The following NRG3 variants were observed in gnomAD, a reference collection of about 807,000 sequenced individuals.
NRG3 encodes the protein pro-neuregulin-3, membrane-bound isoform.
In NRG3, 31 loss-of-function variants were observed where a neutral mutation model predicts 66.9. That is an observed-to-expected ratio of 0.46 (90% CI 0.35 to 0.63). The LOEUF (loss-of-function observed/expected upper bound fraction) is 0.63. Among genes scored for constraint, NRG3 ranks in the 20% least tolerant of loss-of-function variants. NRG3 has a pLI of 0.00. For synonymous variants in NRG3, 393 were observed against 359.4 expected, an observed-to-expected ratio of 1.09 and a Z score of -1.06; for missense variants, 910 against 878.9, an observed-to-expected ratio of 1.04 and a Z score of -0.45.
intron 1 of NRG3, among the ~76,000 whole-genome samples, chr10:82,043,491 A>G (rs998197771): frequency 6.6e-6 from 1 of 152,078 alleles, no homozygotes; most frequent in Admixed American, 6.6e-5. Flanking sequence ...ATTTTAAGTT[A>G]GAAGAGTAGA....
At chr10:82,715,727 T>C (rs1331022259) in intron 2 of NRG3, among the ~76,000 whole-genome samples, 1 of 152,196 alleles carries the variant, frequency 6.6e-6, no homozygotes, top group African/African-American at 2.4e-5. Flanking sequence ...ACTGGAAGGT[T>C]AAGATATGAA....
At chr10:81,963,759 A>G (rs2059618521) in intron 1 of NRG3, among the ~76,000 whole-genome samples, 2 of 152,180 alleles carry the variant, frequency 1.3e-5, no homozygotes, top group African/African-American at 2.4e-5. Context: ...GCCTCAGGGC[A>G]TGTAACCTTA....
At chr10:82,635,587 G>T (rs931464316) in intron 2 of NRG3, among the ~76,000 whole-genome samples, 3 of 152,038 alleles carry the variant, frequency 2.0e-5, no homozygotes, top group Non-Finnish European at 4.4e-5. Context: ...AGACAAAAGG[G>T]TTTACTGTCA....
chr10:82,691,001 CTTCT>C (rs1294718183), intron 2 of NRG3, among the ~76,000 whole-genome samples: 1 of 152,082 alleles, frequency 6.6e-6, no homozygotes, highest in Non-Finnish European at 1.5e-5. Context: ...CCTCCTCTTT[CTTCT>C]TTCTTTTTCC....
At chr10:82,254,794 T>G (rs2077638708) in intron 1 of NRG3, among the ~76,000 whole-genome samples, 1 of 152,182 alleles carries the variant, frequency 6.6e-6, no homozygotes, top group South Asian at 2.1e-4. Context: ...TAAAGTAGTT[T>G]TGTATTATAA....
At chr10:82,704,264 C>G (rs2134320769) in intron 2 of NRG3, among the ~76,000 whole-genome samples, 1 of 152,156 alleles carries the variant, frequency 6.6e-6, no homozygotes. Context: ...CAAACACACA[C>G]CATCCAGATC....
intron 1 of NRG3, among the ~76,000 whole-genome samples, chr10:82,173,492 A>T (rs548632360): frequency 5.3e-5 from 8 of 152,098 alleles, no homozygotes; most frequent in Non-Finnish European, 1.2e-4. Flanking sequence ...CTATTAAAAC[A>T]TAGCAACACA....
chr10:82,202,784 C>A (rs722982), intron 1 of NRG3, among the ~76,000 whole-genome samples: 2 of 151,874 alleles, frequency 1.3e-5, no homozygotes, highest in African/African-American at 4.8e-5. Flanking sequence ...CAAAGTCCCC[C>A]GAAAGATGAA....
At chr10:82,631,564 C>A (rs2049834845) in intron 2 of NRG3, among the ~76,000 whole-genome samples, 1 of 150,368 alleles carries the variant, frequency 6.7e-6, no homozygotes, top group Non-Finnish European at 1.5e-5. Context: ...TGACTGTGGG[C>A]ATCCCCAGAT....
At chr10:82,347,950 C>T (rs925644804) in intron 1 of NRG3, among the ~76,000 whole-genome samples, 3 of 151,762 alleles carry the variant, frequency 2.0e-5, no homozygotes, top group Admixed American at 6.6e-5. Flanking sequence ...TTATTTTGAG[C>T]CTATGTGTGT....
chr10:82,548,497 CAA>C (rs1935990331), intron 2 of NRG3, among the ~76,000 whole-genome samples: 1 of 148,700 alleles, frequency 6.7e-6, no homozygotes, highest in South Asian at 2.1e-4. Flanking sequence ...ATAAGACAAA[CAA>C]AATACACAAA....
chr10:82,528,375 A>G (rs956345592), intron 2 of NRG3, among the ~76,000 whole-genome samples: 14 of 150,596 alleles, frequency 9.3e-5, no homozygotes, highest in Non-Finnish European at 1.5e-4. Context: ...AAAAAGCCCA[A>G]TCATTAAAGT....
At chr10:82,758,277 T>A (rs1209865885) in intron 3 of NRG3, among the ~76,000 whole-genome samples, 1 of 152,130 alleles carries the variant, frequency 6.6e-6, no homozygotes, top group Non-Finnish European at 1.5e-5. Context: ...GGAAGTCTGC[T>A]GAACATCTGG....
intron 2 of NRG3, among the ~76,000 whole-genome samples, chr10:82,571,126 G>C (rs2045707846): frequency 6.6e-6 from 1 of 151,178 alleles, no homozygotes. Flanking sequence ...ATGTCTTCTA[G>C]GTTTTGTATC....
At chr10:82,483,914 A>G (rs531348620) in intron 2 of NRG3, among the ~76,000 whole-genome samples, 100 of 152,356 alleles carry the variant, frequency 6.6e-4, no homozygotes, top group Middle Eastern at 3.4e-3. Context: ...TAAGAAAATT[A>G]AAGAAAATGC....
At chr10:81,970,907 A>C (rs1198653120) in intron 1 of NRG3, among the ~76,000 whole-genome samples, 5 of 152,234 alleles carry the variant, frequency 3.3e-5, no homozygotes, top group Non-Finnish European at 7.3e-5. Flanking sequence ...TGGGAGGTCA[A>C]GGCGGCTGGA....
At chr10:82,621,689 A>T (rs1005438535) in intron 2 of NRG3, among the ~76,000 whole-genome samples, 3 of 152,202 alleles carry the variant, frequency 2.0e-5, no homozygotes, top group Non-Finnish European at 4.4e-5. Flanking sequence ...CCTGAGCTGA[A>T]GCTACCCTTA....
At chr10:82,086,977 C>T (rs536858046) in intron 1 of NRG3, among the ~76,000 whole-genome samples, 8 of 152,160 alleles carry the variant, frequency 5.3e-5, no homozygotes, top group African/African-American at 1.7e-4. Context: ...TATATATAAC[C>T]AGAAAGGCAG....
intron 1 of NRG3, among the ~76,000 whole-genome samples, chr10:82,326,540 T>C (rs2135211953): frequency 6.6e-6 from 1 of 152,296 alleles, no homozygotes; most frequent in Middle Eastern, 3.4e-3. Context: ...GTTATATGCC[T>C]AATATATACT....
Sources: gnomAD v4.1 joint callset for allele counts (sites outside exome capture counted in the v4.1 genomes callset) on GRCh38, gnomAD v4.1.1 for gene constraint, MANE v1.5 for transcripts, NCBI Gene and HGNC (gene_info 2026-07-23, HGNC 2026-07-21) for gene names.